The following MTMR12 variants were observed in gnomAD, a reference collection of about 807,000 sequenced individuals.
MTMR12 encodes the protein myotubularin related protein 12.
MTMR12 carries 33 observed loss-of-function variants against 96.7 expected under a neutral mutation model. The ratio of observed to expected loss-of-function variants is 0.34; its 90% CI spans 0.26 to 0.46. The LOEUF (loss-of-function observed/expected upper bound fraction) is 0.46, where lower values mean the gene tolerates loss of function less well. MTMR12 is among the 20% of genes least tolerant of loss of function. MTMR12 has a pLI of 1.00. For synonymous variants in MTMR12, 298 were observed against 327.2 expected (o/e 0.91, Z 0.96); for missense variants, 721 against 896.1 (o/e 0.80, Z 2.49).
At position 32,233,807 on chromosome 5, in the gene MTMR12, A is replaced by G; in HGVS notation, c.1640T>C (p.Leu547Pro). The G allele has an allele frequency of 6.2e-7, 1 of 1,614,132 alleles. No individual in the cohort carries two copies. Among genetic ancestry groups the G allele is most frequent in the South Asian group, 1.1e-5 (1 of 91,074 alleles). ...KNPLYVEKPK[L>P]DKGQRKGMRF... ...CATTCCTTTCCGTTGGCCTTTGTCC[A>G]GTTTTGGCTTTTCCACATAAAGAGG... Residue 547 changes from leucine (L) to proline (P), a missense_variant, in exon 15 of 16, where the codon CTG becomes CCG. Physicochemically the swap from Leu to Pro is moderately conservative, Grantham distance 98. Coordinates refer to ENST00000382142, the MANE Select transcript of MTMR12 (RefSeq NM_001040446.3). This position sits in a 1 kb window ranked among gnomAD's most constrained non-coding sequence, Gnocchi z 5.0.
rs1006636014 is a variant in MTMR12 at position 32,303,775 on chromosome 5, A to C, written c.81+8983T>G. 6.8e-5 allele frequency among the ~76,000 whole-genome samples: 10 copies of C among 146,768 alleles called. No individual in the cohort carries two copies. In the Middle Eastern group the frequency reaches 0.011, roughly 158 times the overall value. ...ATCATCCTAACAAAGCCAAGATCTC[A>C]GCTTGAGCCCTTTTCAGAACCTGCA... On this transcript the variant is annotated intron_variant, in intron 1 of 15. Coordinates refer to ENST00000382142, the MANE Select transcript of MTMR12 (RefSeq NM_001040446.3).
intron 10 of MTMR12, 32 bp downstream of exon 10, chr5:32,247,970 A>G (rs765573020): frequency 6.2e-7 from 1 of 1,605,500 alleles, no homozygotes; most frequent in Non-Finnish European, 8.5e-7. Flanking sequence ...TCCCCATATA[A>G]CACAAAAGTT....
intron 1 of MTMR12, among the ~76,000 whole-genome samples, chr5:32,305,190 G>A (rs1007539696): frequency 1.3e-5 from 2 of 152,154 alleles, no homozygotes; most frequent in Non-Finnish European, 2.9e-5. Flanking sequence ...CTCGGTTCAA[G>A]AGATTCTCCT....
intron 14 of MTMR12, 156 bp downstream of exon 14, chr5:32,234,806 C>T (rs1047543698): frequency 7.2e-5 from 44 of 612,572 alleles, no homozygotes; most frequent in African/African-American, 6.8e-4. Context: ...GTCATCCTCT[C>T]GCAGGGGCCA....
intron 1 of MTMR12, among the ~76,000 whole-genome samples, chr5:32,289,417 G>A (rs1439166717): frequency 2.0e-5 from 3 of 152,134 alleles, no homozygotes; most frequent in Non-Finnish European, 4.4e-5. Flanking sequence ...CTTGAGGAAG[G>A]ACCCCACCAC....
intron 1 of MTMR12, among the ~76,000 whole-genome samples, chr5:32,285,264 A>T (rs1750486261): frequency 6.6e-6 from 1 of 151,912 alleles, no homozygotes; most frequent in Non-Finnish European, 1.5e-5. Context: ...AGGCTGAGGC[A>T]GGAGAATTCC....
chr5:32,233,857 G>T lies in MTMR12; in HGVS notation c.1590C>A (p.Pro530=), dbSNP rs61755422. ...GGTTTTTGAGCAATGTCTGGGCTTT[G>T]GGTTCAAACTGCACCGACCAATCCC... ...TVWDWSVQFE[P]KAQTLLKNPL... Residue 530 remains proline, a synonymous_variant, in exon 15 of 16, where the codon CCC becomes CCA. Coordinates refer to ENST00000382142, the MANE Select transcript of MTMR12 (RefSeq NM_001040446.3). The surrounding 1 kb of genome is among the most constrained non-coding windows in gnomAD (Gnocchi z 5.0). The T allele has an allele frequency of 0.016, 25,536 of 1,614,136 alleles. 324 individuals carry two copies. The highest frequency in any genetic ancestry group is 0.076 in the East Asian group (3,421 of 44,874).
intron 1 of MTMR12, among the ~76,000 whole-genome samples, chr5:32,290,057 T>G (rs978931371): frequency 1.3e-5 from 2 of 152,226 alleles, no homozygotes; most frequent in Admixed American, 6.5e-5. Context: ...CTGTACCAAA[T>G]GTGGTTTCAT....
At chr5:32,263,011 T>C (rs1456893490) in intron 7 of MTMR12, 102 bp downstream of exon 7, 12 of 1,399,654 alleles carry the variant, frequency 8.6e-6, no homozygotes, top group African/African-American at 1.4e-5. Flanking sequence ...ATGTTCTAAA[T>C]TGACTGTGGT....
intron 1 of MTMR12, among the ~76,000 whole-genome samples, chr5:32,304,717 G>C (rs931118456): frequency 1.3e-5 from 2 of 152,184 alleles, no homozygotes; most frequent in African/African-American, 4.8e-5. Flanking sequence ...CTAGAAGTAG[G>C]GTGCAGAAGT....
chr5:32,291,605 C>T (rs539741722), intron 1 of MTMR12, among the ~76,000 whole-genome samples: 4 of 152,326 alleles, frequency 2.6e-5, no homozygotes, highest in African/African-American at 9.6e-5. Flanking sequence ...GTGACCCGTT[C>T]TGTGGACACC....
At chr5:32,280,159 C>A (rs775822815) in intron 1 of MTMR12, among the ~76,000 whole-genome samples, 1 of 152,102 alleles carries the variant, frequency 6.6e-6, no homozygotes, top group Non-Finnish European at 1.5e-5. Flanking sequence ...TCCTGGGGCA[C>A]CTTAGGAGAG....
chr5:32,264,185 CA>C (rs1749498229), intron 6 of MTMR12, among the ~76,000 whole-genome samples: 2 of 151,808 alleles, frequency 1.3e-5, no homozygotes, highest in African/African-American at 4.9e-5. Flanking sequence ...TGCAGCCTAG[CA>C]GATGTGTCCT....
intron 15 of MTMR12, among the ~76,000 whole-genome samples, chr5:32,231,381 CAAAAA>C (rs548654471): frequency 1.5e-4 from 7 of 47,210 alleles, no homozygotes; most frequent in East Asian, 1.2e-3. Context: ...CTCTGGCTCG[CAAAAA>C]AAAAAAAAAA....
At chr5:32,238,939 A>AT in intron 13 of MTMR12, 62 bp downstream of exon 13, 7 of 1,439,684 alleles carry the variant, frequency 4.9e-6, no homozygotes, top group Non-Finnish European at 6.5e-6. Context: ...GATGACAGGT[A>AT]TTAAATAAGA....
At chr5:32,264,161 T>A (rs1030760968) in intron 6 of MTMR12, among the ~76,000 whole-genome samples, 1 of 152,214 alleles carries the variant, frequency 6.6e-6, no homozygotes, top group African/African-American at 2.4e-5. Flanking sequence ...CAAAATGCCC[T>A]GGAGCACCGC....
At chr5:32,298,815 T>C (rs1751019762) in intron 1 of MTMR12, among the ~76,000 whole-genome samples, 1 of 149,910 alleles carries the variant, frequency 6.7e-6, no homozygotes, top group African/African-American at 2.5e-5. Context: ...TAGCTGGGCG[T>C]GGTGGCAGGC....
chr5:32,311,017 G>T (rs1405747327), intron 1 of MTMR12, among the ~76,000 whole-genome samples: 1 of 151,940 alleles, frequency 6.6e-6, no homozygotes, highest in Non-Finnish European at 1.5e-5. Context: ...GGGATTACAG[G>T]TGCGCACCAC....
Position 32,230,374 on chromosome 5 carries a change from C to T in MTMR12, c.1675-27G>A, listed in dbSNP as rs899321284. ...TTTGAGAGAAAACACAAATAAAAAT[C>T]ACTGGTTAACATAACAGGCACAGTT... On this transcript the variant is annotated intron_variant, in intron 15 of 15. Coordinates refer to ENST00000382142, the MANE Select transcript of MTMR12 (RefSeq NM_001040446.3). The T allele has an allele frequency of 3.8e-6, 6 of 1,558,688 alleles. No homozygotes were observed. The East Asian group carries it at 1.3e-4, about 35-fold the overall frequency.
Sources: gnomAD v4.1 joint callset for allele counts (sites outside exome capture counted in the v4.1 genomes callset) on GRCh38, gnomAD v4.1.1 for gene constraint, Gnocchi (gnomAD v3.1) non-coding constraint, MANE v1.5 for transcripts, NCBI Gene and HGNC (gene_info 2026-07-23, HGNC 2026-07-21) for gene names.